Variants in ABHD8 observed in about 807,000 individuals in gnomAD.
ABHD8 encodes abhydrolase domain containing 8, also known as protein ABHD8.
Under a neutral mutation model 29.3 loss-of-function variants are expected in ABHD8, and 10 were observed. The ratio of observed to expected loss-of-function variants is 0.34; its 90% confidence interval spans 0.21 to 0.58. The LOEUF is 0.58. Among genes scored for constraint, ABHD8 ranks in the 20% least tolerant of loss-of-function variants. The pLI is 0.85. For missense variants in ABHD8, 556 were observed against 615.3 expected (o/e 0.90, Z 1.02); for synonymous variants, 282 against 274.6 (o/e 1.03, Z -0.27).
chr19:17,301,754 C>T lies in ABHD8; in HGVS notation c.-8-130G>A, dbSNP rs1445280869. The T allele has an allele frequency of 7.3e-6, 8 of 1,100,240 alleles. No individual in the cohort carries two copies. In the African/African-American group the frequency reaches 1.0e-4, roughly 14 times the overall value. 68.2% of individuals were successfully genotyped at this position (1,100,240 alleles called of 1,614,324 possible). On this transcript the variant is annotated intron_variant, in intron 1 of 4. Transcript: ENST00000247706. ...TTGGGGAGCGCCAGATCAAGTGAGC[C>T]ACGGCACTGAGATTTTTTTGTTTGT... is the stretch of plus-strand genomic sequence containing the variant.
chr19:17,299,900 G>C (rs2074109877), intron 2 of ABHD8, among the ~76,000 whole-genome samples: 1 of 141,470 alleles, frequency 7.1e-6, no homozygotes, highest in Non-Finnish European at 1.6e-5. Flanking sequence ...GCGCGTGGTG[G>C]CCCCTTTTTT....
chr19:17,301,431 G>T lies in ABHD8; in HGVS notation c.186C>A (p.Ser62=). The change falls in exon 2 of 5, where the codon TCC becomes TCA. Residue 62 remains serine, a synonymous_variant. Coordinates refer to ENST00000247706, the MANE Select transcript of ABHD8 (RefSeq NM_024527.5). ...APAAAPPPPS[S]ASSDAAQGDL... ...CCCCCTGGGCTGCATCCGAGGATGCGGATGATGGTGGAGGTGGGGCAGCGG... is the reference window on the plus strand; with the variant it reads ...CCCCCTGGGCTGCATCCGAGGATGCTGATGATGGTGGAGGTGGGGCAGCGG... 6.2e-7 allele frequency: 1 copy of T among 1,612,074 alleles called. No homozygotes were observed. Among genetic ancestry groups the T allele is most frequent in the South Asian group, 1.1e-5 (1 of 91,048 alleles).
At chr19:17,299,146 A>G (rs1047418917) in intron 2 of ABHD8, among the ~76,000 whole-genome samples, 3 of 151,876 alleles carry the variant, frequency 2.0e-5, no homozygotes, top group African/African-American at 4.8e-5. Flanking sequence ...ATAGCGGCTC[A>G]TGCCTGTTAC....
chr19:17,300,962 G>A lies in ABHD8; in HGVS notation c.655C>T (p.Pro219Ser). Residue 219 changes from proline (P) to serine (S), a missense_variant, in exon 2 of 5, where the codon CCC (proline) becomes TCC (serine). Physicochemically the swap from Pro to Ser is moderately conservative, Grantham distance 74. Around this residue, in one of 2 missense-constraint regions of ABHD8, gnomAD observed 270 missense variants for 353.9 expected, o/e 0.76. Transcript: ENST00000247706. Reference protein sequence around the residue: ...DLAGHGASSAPQVAAAYTFYA... With the variant: ...DLAGHGASSASQVAAAYTFYA... ...AAGGTGTAGGCTGCGGCCACCTGGG[G>A]CGCAGAGCTGGCCCCGTGGCCGGCC... The A allele has an allele frequency of 6.2e-7, 1 of 1,613,486 alleles. No homozygotes were observed. Among genetic ancestry groups the A allele is most frequent in the Non-Finnish European group, 8.5e-7 (1 of 1,179,990 alleles).
intron 3 of ABHD8, 22 bp from the exon 4 acceptor site, chr19:17,294,526 C>G: frequency 3.1e-6 from 5 of 1,613,396 alleles, no homozygotes; most frequent in Non-Finnish European, 4.2e-6. Context: ...GGAGGCACCG[C>G]TAGAGCCCCT....
intron 2 of ABHD8, among the ~76,000 whole-genome samples, chr19:17,299,242 C>CCG (rs1555720802): frequency 6.1e-5 from 9 of 146,950 alleles, no homozygotes; most frequent in South Asian, 4.4e-4. Flanking sequence ...AGACCCCCCC[C>CCG]CCATTCTCTA....
At position 17,294,519 on chromosome 19, in the gene ABHD8, G is replaced by C; in HGVS notation, c.933-15C>G. The C allele has an allele frequency of 6.2e-7, 1 of 1,613,558 alleles. No homozygotes were observed. Among genetic ancestry groups the C allele is most frequent in the Non-Finnish European group, 8.5e-7 (1 of 1,179,944 alleles). ...CGAAGCCGGCCCTGGTGGTGGTGGA[G>C]GCACCGCTAGAGCCCCTTATGCCAG... On this transcript the variant is annotated splice_polypyrimidine_tract_variant and intron_variant, in intron 3 of 4. Coordinates refer to ENST00000247706, the MANE Select transcript of ABHD8 (RefSeq NM_024527.5).
intron 2 of ABHD8, among the ~76,000 whole-genome samples, chr19:17,295,617 A>G (rs1287585553): frequency 6.7e-6 from 1 of 150,124 alleles, no homozygotes; most frequent in Non-Finnish European, 1.5e-5. Flanking sequence ...CATGTTGCTC[A>G]GGCTGGTCGA....
In ABHD8 at chr19:17,301,527, G is replaced by T. The variant is rs753140950; in HGVS notation, c.90C>A (p.Ser30Arg). 2 of 1,610,444 alleles carry T rather than the reference G, an allele frequency of 1.2e-6. No individual in the cohort carries two copies. Among genetic ancestry groups the T allele is most frequent in the South Asian group, 1.1e-5 (1 of 90,922 alleles). Residue 30 changes from serine (S) to arginine (R), a missense_variant, in exon 2 of 5, where the codon AGC becomes AGA. Physicochemically the swap from Ser to Arg is moderately radical, Grantham distance 110 (BLOSUM62 -1). Around this residue, in one of 2 missense-constraint regions of ABHD8, gnomAD observed 286 missense variants for 261.4 expected, o/e 1.09. Transcript: ENST00000247706. ...AVGPLESVES[S>R]DGYTFVEVKP... ...TGACCTCTACAAAGGTGTAGCCATC[G>T]CTGGACTCGACGCTCTCCAGTGGCC...
chr19:17,303,024 C>T (rs2074128134), intron 1 of ABHD8: 1 of 152,210 alleles, frequency 6.6e-6, no homozygotes, highest in Non-Finnish European at 1.5e-5. Flanking sequence ...GGGCCCTAAT[C>T]CCGGATTGTG....
chr19:17,301,766 A>AT (rs1207468346), intron 1 of ABHD8, 142 bp from the exon 2 acceptor site: 10 of 964,988 alleles, frequency 1.0e-5, no homozygotes, highest in South Asian at 6.5e-5. Context: ...CGGCACTGAG[A>AT]TTTTTTTGTT....
chr19:17,292,383 A>AGGGAGAGC lies in ABHD8; in HGVS notation c.*270_*277dup. ...TGGCCGTGGCGTTGGGGGGAAGGTG[A>AGGGAGAGC]GGGAGAGCTTCTGTACAAGGTCATC... On this transcript the variant is annotated 3_prime_UTR_variant, in exon 5 of 5. Transcript: ENST00000247706. The AGGGAGAGC allele has an allele frequency of 2.2e-6, 1 of 447,160 alleles. No homozygotes were observed. Among genetic ancestry groups the AGGGAGAGC allele is most frequent in the Non-Finnish European group, 3.9e-6 (1 of 254,566 alleles). The allele number at this position is 447,160 out of a possible 1,614,324, so 27.7% of individuals were successfully genotyped here.
At chr19:17,298,052 C>G (rs867791891) in intron 2 of ABHD8, 4 of 152,014 alleles carry the variant, frequency 2.6e-5, no homozygotes, top group Admixed American at 6.6e-5. Context: ...GTAGCTGGGA[C>G]TACAGGCGCC....
At chr19:17,295,499 T>C (rs12978819) in intron 2 of ABHD8, among the ~76,000 whole-genome samples, 117,465 of 151,600 alleles carry the variant, frequency 0.77, 46,462 homozygotes, top group African/African-American at 0.82. Context: ...CTCTGCCTCC[T>C]GGGTTCAACT....
chr19:17,293,507 C>T (rs2074080154), intron 4 of ABHD8, among the ~76,000 whole-genome samples: 1 of 151,802 alleles, frequency 6.6e-6, no homozygotes, highest in Non-Finnish European at 1.5e-5. Context: ...GTGGGGGCTG[C>T]TATCCTGTGC....
chr19:17,294,152 G>C, intron 4 of ABHD8, 136 bp downstream of exon 4: 2 of 1,080,506 alleles, frequency 1.9e-6, no homozygotes, highest in Non-Finnish European at 1.3e-6. Context: ...TAGAGGCCAC[G>C]CCCACCCGGC....
intron 2 of ABHD8, among the ~76,000 whole-genome samples, chr19:17,299,236 C>CA (rs201088770): frequency 2.2e-5 from 3 of 137,250 alleles, no homozygotes; most frequent in African/African-American, 7.9e-5. Flanking sequence ...ATAATGAGAC[C>CA]CCCCCCCCAT....
At chr19:17,299,503 G>A (rs2074107958) in intron 2 of ABHD8, among the ~76,000 whole-genome samples, 1 of 147,190 alleles carries the variant, frequency 6.8e-6, no homozygotes. Flanking sequence ...GGAGCTTGCA[G>A]TGAGCCAGGA....
rs1382768097 is a variant in ABHD8, at chr19:17,301,559, C to T, written c.58G>A (p.Ala20Thr). 2 of 1,599,338 alleles carry T rather than the reference C, an allele frequency of 1.3e-6. No homozygotes were observed. The highest frequency in any genetic ancestry group is 1.7e-6 in the Non-Finnish European group (2 of 1,172,040). The change falls in exon 2 of 5, where the codon GCC (alanine) becomes ACC (threonine). Residue 20 changes from alanine to threonine, a missense_variant. Physicochemically the swap from Ala to Thr is moderately conservative, Grantham distance 58. Transcript: ENST00000247706. Reference sequence around the variant, plus strand: ...TCGACGCTCTCCAGTGGCCCCACGGCGTTGGGGGGCGTGCCCAGCAGGCAA... The same window carrying T: ...TCGACGCTCTCCAGTGGCCCCACGGTGTTGGGGGGCGTGCCCAGCAGGCAA... The part of the protein sequence containing the change: ...FCCLLGTPPN[A>T]VGPLESVESS...
Sources: gnomAD v4.1 joint callset for allele counts (sites outside exome capture counted in the v4.1 genomes callset) on GRCh38, gnomAD v4.1.1 for gene constraint, gnomAD v4.1.1 regional missense constraint, MANE v1.5 for transcripts, NCBI Gene and HGNC (gene_info 2026-07-23, HGNC 2026-07-21) for gene names.